CHCHD6: variants seen among roughly 807,000 people sequenced by gnomAD.
The protein encoded by CHCHD6 is coiled-coil-helix-coiled-coil-helix domain containing 6.
Under a neutral mutation model 32.3 loss-of-function variants are expected in CHCHD6, and 28 were observed. That is an observed-to-expected ratio of 0.87 (90% CI 0.64 to 1.19). The LOEUF (loss-of-function observed/expected upper bound fraction) is 1.19, where lower values mean the gene tolerates loss of function less well. Among genes scored for constraint, CHCHD6 ranks in the 50% most tolerant of loss-of-function variants. The probability of loss-of-function intolerance (pLI) is 0.00; values close to 1 mark genes in which losing one functional copy is unlikely to be tolerated. For missense variants in CHCHD6, 333 were observed against 307.0 expected (o/e 1.08, Z -0.63); for synonymous variants, 122 against 117.5 (o/e 1.04, Z -0.25).
chr3:126,937,504 A>C (rs1353688700), intron 6 of CHCHD6, among the ~76,000 whole-genome samples: 1 of 152,230 alleles, frequency 6.6e-6, no homozygotes, highest in African/African-American at 2.4e-5. Flanking sequence ...TGGCCTGTCC[A>C]TGGGCTTTGG....
At chr3:126,954,390 A>G (rs532474453) in intron 6 of CHCHD6, among the ~76,000 whole-genome samples, 6 of 152,342 alleles carry the variant, frequency 3.9e-5, no homozygotes, top group East Asian at 1.9e-4. Context: ...CTTCCTGCAC[A>G]TCGCCATTCT....
At chr3:126,772,856 T>C (rs1180501072) in intron 4 of CHCHD6, among the ~76,000 whole-genome samples, 1 of 152,234 alleles carries the variant, frequency 6.6e-6, no homozygotes, top group Non-Finnish European at 1.5e-5. Flanking sequence ...GTTTTTGTAG[T>C]GGCCAGTAAT....
At chr3:126,777,674 G>T (rs1235773787) in intron 4 of CHCHD6, among the ~76,000 whole-genome samples, 3 of 152,194 alleles carry the variant, frequency 2.0e-5, no homozygotes, top group Non-Finnish European at 4.4e-5. Context: ...TAGCAGGCAC[G>T]TTGAGCTCCT....
At chr3:126,920,049 G>T (rs2078224514) in intron 6 of CHCHD6, among the ~76,000 whole-genome samples, 1 of 150,590 alleles carries the variant, frequency 6.6e-6, no homozygotes. Context: ...CTTTTTTCTG[G>T]TTTTCCTCAT....
At chr3:126,931,337 G>T (rs915598298) in intron 6 of CHCHD6, among the ~76,000 whole-genome samples, 4 of 152,224 alleles carry the variant, frequency 2.6e-5, no homozygotes, top group African/African-American at 9.6e-5. Context: ...TTCGCAGCAG[G>T]CCTTTCCTTC....
intron 4 of CHCHD6, among the ~76,000 whole-genome samples, chr3:126,790,354 A>G (rs988220099): frequency 6.6e-6 from 1 of 152,052 alleles, no homozygotes; most frequent in Non-Finnish European, 1.5e-5. Context: ...TATTTCCTGA[A>G]TTTGAATGTT....
chr3:126,892,094 C>G (rs1384319657), intron 5 of CHCHD6, among the ~76,000 whole-genome samples: 4 of 152,158 alleles, frequency 2.6e-5, no homozygotes, highest in Admixed American at 1.3e-4. Flanking sequence ...CATGGGGACC[C>G]AAAACCTCGG....
At chr3:126,844,557 A>G (rs1398204994) in intron 4 of CHCHD6, among the ~76,000 whole-genome samples, 1 of 152,196 alleles carries the variant, frequency 6.6e-6, no homozygotes, top group Non-Finnish European at 1.5e-5. Context: ...TTTGCACAAT[A>G]TATCTTTTTC....
chr3:126,864,573 C>A (rs935190714), intron 5 of CHCHD6, among the ~76,000 whole-genome samples: 3 of 150,306 alleles, frequency 2.0e-5, no homozygotes, highest in South Asian at 2.1e-4. Context: ...TTCTCCACCA[C>A]CTCCTTCTCC....
chr3:126,929,324 A>G (rs1162043530), intron 6 of CHCHD6, among the ~76,000 whole-genome samples: 1 of 152,184 alleles, frequency 6.6e-6, no homozygotes, highest in Non-Finnish European at 1.5e-5. Flanking sequence ...CTCTGTCAGC[A>G]GCATGTACAC....
intron 4 of CHCHD6, among the ~76,000 whole-genome samples, chr3:126,764,998 G>A (rs982429026): frequency 1.6e-4 from 25 of 152,192 alleles, no homozygotes; most frequent in South Asian, 4.2e-4. Flanking sequence ...ACACTGCTAC[G>A]TGCCCTCCAA....
At chr3:126,937,859 T>G (rs1371519391) in intron 6 of CHCHD6, among the ~76,000 whole-genome samples, 1 of 152,040 alleles carries the variant, frequency 6.6e-6, no homozygotes, top group Non-Finnish European at 1.5e-5. Context: ...AGAGCTCTTT[T>G]GGTTACTTCT....
At chr3:126,864,525 C>G in intron 5 of CHCHD6, among the ~76,000 whole-genome samples, 1 of 150,258 alleles carries the variant, frequency 6.7e-6, no homozygotes, top group Admixed American at 6.6e-5. Flanking sequence ...TCCACCTCCA[C>G]CACCTCCTCC....
At chr3:126,929,019 TC>T (rs1211621019) in intron 6 of CHCHD6, among the ~76,000 whole-genome samples, 2 of 152,218 alleles carry the variant, frequency 1.3e-5, no homozygotes, top group Admixed American at 1.3e-4. Context: ...TGGAAACAGC[TC>T]AGGGCTGACT....
intron 5 of CHCHD6, among the ~76,000 whole-genome samples, chr3:126,861,877 T>A (rs1407952800): frequency 1.6e-4 from 5 of 30,460 alleles, no homozygotes; most frequent in Admixed American, 4.1e-4. Flanking sequence ...CTCCCCCTCC[T>A]CCACCATCAC....
intron 4 of CHCHD6, among the ~76,000 whole-genome samples, chr3:126,793,960 T>G (rs1377125499): frequency 6.6e-6 from 1 of 152,182 alleles, no homozygotes; most frequent in Non-Finnish European, 1.5e-5. Context: ...TGTTGAGAAA[T>G]TCACTGTCAT....
At chr3:126,942,154 A>G (rs768703366) in intron 6 of CHCHD6, among the ~76,000 whole-genome samples, 15 of 152,138 alleles carry the variant, frequency 9.9e-5, no homozygotes, top group Non-Finnish European at 1.3e-4. Flanking sequence ...AACTGGTGCT[A>G]TGTTTGTGAG....
chr3:126,833,125 G>A (rs1940707911), intron 4 of CHCHD6, among the ~76,000 whole-genome samples: 1 of 152,180 alleles, frequency 6.6e-6, no homozygotes, highest in South Asian at 2.1e-4. Context: ...GCATGCACAT[G>A]CACACACACA....
In CHCHD6 at chr3:126,725,244, A is replaced by G. The variant is rs1309121046; in HGVS notation, c.88-1834A>G. Among the ~76,000 whole-genome samples, 2 of 152,224 alleles carry G rather than the reference A, an allele frequency of 1.3e-5. 1 individual carries two copies. Among genetic ancestry groups the G allele is most frequent in the Admixed American group, 1.3e-4 (2 of 15,276 alleles). On this transcript the variant is annotated intron_variant, in intron 1 of 7. Transcript: ENST00000290913. ...TTACTCCTTGATCCATGGGCTACAG[A>G]ATGGATGCTGTGTTAGGAGGCATGA...
Sources: allele counts gnomAD v4.1 joint callset (sites outside exome capture counted in the v4.1 genomes callset), GRCh38; gene constraint gnomAD v4.1.1; transcripts MANE v1.5; gene names NCBI Gene and HGNC (gene_info 2026-07-23, HGNC 2026-07-21).